Variants in LRFN5 observed in about 807,000 individuals in gnomAD.
LRFN5 encodes the protein leucine rich repeat and fibronectin type III domain containing 5.
Under a neutral mutation model 45.6 loss-of-function variants are expected in LRFN5, and 24 were observed. The observed-to-expected ratio is 0.53, with a 90% CI of 0.38 to 0.74. The LOEUF (loss-of-function observed/expected upper bound fraction) is 0.74. LRFN5 is among the 30% of genes least tolerant of loss of function. The pLI is 0.00. For missense variants in LRFN5, 776 were observed against 861.5 expected (o/e 0.90, Z 1.24); for synonymous variants, 340 against 313.8 (o/e 1.08, Z -0.88).
chr14:41,827,574 A>T (rs1888341602), intron 2 of LRFN5, among the ~76,000 whole-genome samples: 1 of 152,028 alleles, frequency 6.6e-6, no homozygotes, highest in Admixed American at 6.6e-5. Context: ...TGAATGGCAC[A>T]TTCATTAGCC....
chr14:41,888,242 C>G (rs1020840361), intron 3 of LRFN5, among the ~76,000 whole-genome samples: 3 of 151,544 alleles, frequency 2.0e-5, no homozygotes, highest in Non-Finnish European at 4.4e-5. Flanking sequence ...TACTTTTTTC[C>G]CCCTCATCTA....
chr14:41,851,015 T>C (rs186937269), intron 2 of LRFN5, among the ~76,000 whole-genome samples: 73 of 151,938 alleles, frequency 4.8e-4, no homozygotes, highest in African/African-American at 1.7e-3. Context: ...GAATAAACTA[T>C]TGAAATGTGT....
chr14:41,849,462 G>A (rs978589781), intron 2 of LRFN5, among the ~76,000 whole-genome samples: 13 of 151,578 alleles, frequency 8.6e-5, no homozygotes, highest in African/African-American at 3.1e-4. Flanking sequence ...AACAAAAGTG[G>A]GAGGCTCTTT....
At chr14:41,751,779 T>A (rs547744697) in intron 1 of LRFN5, among the ~76,000 whole-genome samples, 1 of 152,288 alleles carries the variant, frequency 6.6e-6, no homozygotes, top group African/African-American at 2.4e-5. Context: ...TTTTTAAAAT[T>A]ATACTTTAAG....
chr14:41,715,439 C>G (rs4904739), intron 1 of LRFN5, among the ~76,000 whole-genome samples: 118,111 of 152,184 alleles, frequency 0.78, 46,488 homozygotes, highest in East Asian at 0.97. Context: ...CTCTGCCTCT[C>G]TGTTCTTTTT....
chr14:41,698,943 A>C (rs949859937), intron 1 of LRFN5, among the ~76,000 whole-genome samples: 2 of 152,080 alleles, frequency 1.3e-5, no homozygotes, highest in African/African-American at 4.8e-5. Flanking sequence ...AGTGATCAGA[A>C]AATTTAATTA....
intron 2 of LRFN5, among the ~76,000 whole-genome samples, chr14:41,795,565 G>C (rs1196693798): frequency 2.0e-5 from 3 of 152,056 alleles, no homozygotes; most frequent in Non-Finnish European, 4.4e-5. Context: ...AGAAAATGTG[G>C]CACATATACA....
chr14:41,847,660 A>G (rs1889116709), intron 2 of LRFN5, among the ~76,000 whole-genome samples: 1 of 152,072 alleles, frequency 6.6e-6, no homozygotes, highest in African/African-American at 2.4e-5. Flanking sequence ...AATCAAAGTG[A>G]AGAAATGTTT....
intron 2 of LRFN5, among the ~76,000 whole-genome samples, chr14:41,782,081 T>A (rs563598633): frequency 2.6e-5 from 4 of 151,986 alleles, no homozygotes; most frequent in East Asian, 3.8e-4. Context: ...TTAAAAAAAA[T>A]TATTGGTTAT....
intron 2 of LRFN5, among the ~76,000 whole-genome samples, chr14:41,810,659 G>T: frequency 6.6e-6 from 1 of 151,924 alleles, no homozygotes; most frequent in East Asian, 1.9e-4. Flanking sequence ...TATTTTAAAG[G>T]TTGTATTTTA....
intron 1 of LRFN5, among the ~76,000 whole-genome samples, chr14:41,687,928 C>G (rs916263239): frequency 2.0e-5 from 3 of 152,102 alleles, no homozygotes; most frequent in Admixed American, 2.0e-4. Flanking sequence ...ATGTATCCCC[C>G]TTTTTTAGAA....
intron 2 of LRFN5, among the ~76,000 whole-genome samples, chr14:41,812,476 C>A (rs777058010): frequency 6.6e-6 from 1 of 151,618 alleles, no homozygotes; most frequent in Non-Finnish European, 1.5e-5. Flanking sequence ...GGTACTGATT[C>A]CTTAGTACCT....
intron 1 of LRFN5, among the ~76,000 whole-genome samples, chr14:41,765,296 C>G (rs1236035900): frequency 6.7e-6 from 1 of 148,524 alleles, no homozygotes; most frequent in South Asian, 2.1e-4. Flanking sequence ...GAGCCGAGAT[C>G]GCGCCACTGC....
chr14:41,790,685 T>G (rs73319014), intron 2 of LRFN5, among the ~76,000 whole-genome samples: 1,704 of 151,760 alleles, frequency 0.011, 29 homozygotes, highest in African/African-American at 0.039. Flanking sequence ...AGAACTTTAT[T>G]TATCAGTCGA....
intron 1 of LRFN5, among the ~76,000 whole-genome samples, chr14:41,698,869 G>C (rs910463834): frequency 1.3e-5 from 2 of 152,022 alleles, no homozygotes; most frequent in Non-Finnish European, 2.9e-5. Context: ...CATTGGTATA[G>C]GATTAATTTG....
chr14:41,866,767 A>G (rs1889853887), intron 2 of LRFN5, among the ~76,000 whole-genome samples: 1 of 152,138 alleles, frequency 6.6e-6, no homozygotes, highest in African/African-American at 2.4e-5. Context: ...CACATAATTA[A>G]CAAGTTGCAT....
chr14:41,634,369 T>C (rs1376024455), intron 1 of LRFN5, among the ~76,000 whole-genome samples: 1 of 152,176 alleles, frequency 6.6e-6, no homozygotes, highest in East Asian at 1.9e-4. Context: ...GATGGAATCA[T>C]CCAGAGATAG....
chr14:41,612,063 A>G (rs933883406), intron 1 of LRFN5, among the ~76,000 whole-genome samples: 4 of 152,112 alleles, frequency 2.6e-5, no homozygotes, highest in African/African-American at 7.2e-5. Flanking sequence ...TTGTCCATTT[A>G]TATCAGTGAT....
At chr14:41,893,247 G>A in intron 4 of LRFN5, 1 of 959,488 alleles carries the variant, frequency 1.0e-6, no homozygotes, top group African/African-American at 1.8e-5. Context: ...TGTTGCTCCT[G>A]GATAATATGG....
Sources: allele counts gnomAD v4.1 joint callset (sites outside exome capture counted in the v4.1 genomes callset), GRCh38; gene constraint gnomAD v4.1.1; transcripts MANE v1.5; gene names NCBI Gene and HGNC (gene_info 2026-07-23, HGNC 2026-07-21).